PDXDC1: variants seen among roughly 807,000 people sequenced by gnomAD.
PDXDC1 encodes pyridoxal dependent decarboxylase domain containing 1.
PDXDC1 carries 42 observed loss-of-function variants against 100.1 expected under a neutral mutation model. The ratio of observed to expected loss-of-function variants is 0.42; its 90% CI spans 0.33 to 0.54. The LOEUF (loss-of-function observed/expected upper bound fraction) is 0.54. PDXDC1 is among the 20% of genes least tolerant of loss of function. The pLI is 0.10. For synonymous variants in PDXDC1, 260 were observed against 371.7 expected (o/e 0.70, Z 3.46); for missense variants, 636 against 979.2 (o/e 0.65, Z 4.68).
intron 16 of PDXDC1, chr16:15,130,340 C>T: frequency 2.6e-6 from 4 of 1,552,704 alleles, no homozygotes; most frequent in Non-Finnish European, 3.5e-6. Context: ...ACACCACGTC[C>T]TCCTCGCTGA....
At chr16:15,092,573 G>A in intron 16 of PDXDC1, 2 of 1,613,454 alleles carry the variant, frequency 1.2e-6, no homozygotes, top group Non-Finnish European at 1.7e-6. Context: ...TCTTGGGGGA[G>A]AATTGAAAAA....
At chr16:15,068,389 T>A (rs1227477693) in intron 16 of PDXDC1, 1 of 1,365,996 alleles carries the variant, frequency 7.3e-7, no homozygotes, top group African/African-American at 1.5e-5. Context: ...TAAAAAATTA[T>A]TTGCAGAAAT....
At chr16:14,978,510 C>T (rs1404125112) in intron 1 of PDXDC1, among the ~76,000 whole-genome samples, 1 of 152,288 alleles carries the variant, frequency 6.6e-6, no homozygotes. Flanking sequence ...GCGCCTCAGC[C>T]TCCTGAGTAG....
chr16:15,034,011 T>G, intron 19 of PDXDC1: 1 of 541,912 alleles, frequency 1.8e-6, no homozygotes, highest in South Asian at 2.4e-5. Flanking sequence ...CCTTTCTGGG[T>G]GGACTCCTTA....
intron 16 of PDXDC1, among the ~76,000 whole-genome samples, chr16:15,077,020 C>T (rs1177154677): frequency 6.8e-6 from 1 of 147,552 alleles, no homozygotes; most frequent in African/African-American, 2.5e-5. Flanking sequence ...GCTCTTGTTG[C>T]CCAGGCTGGA....
chr16:15,128,388 A>T (rs762035414), intron 16 of PDXDC1: 142 of 1,557,256 alleles, frequency 9.1e-5, no homozygotes, highest in Non-Finnish European at 1.2e-4. Flanking sequence ...GGGCCGTGGT[A>T]CCTGGAGGGC....
chr16:15,024,354 T>A (rs7194585), intron 13 of PDXDC1, among the ~76,000 whole-genome samples: 2,009 of 150,762 alleles, frequency 0.013, 71 homozygotes, highest in African/African-American at 0.047. Flanking sequence ...CTCCTTTGTA[T>A]GTGCTGTTCT....
At chr16:15,141,508 G>A (rs2048475107), downstream of PDXDC1, among the ~76,000 whole-genome samples, 1 of 152,188 alleles carries the variant, frequency 6.6e-6, no homozygotes, top group Non-Finnish European at 1.5e-5. Flanking sequence ...TTCCCCCAGG[G>A]GCTGTGGGAC....
chr16:15,088,116 CAAAA>C lies in PDXDC1; in HGVS notation c.1400-50761_1400-50758del, dbSNP rs549883666. Reference sequence around the variant, plus strand: ...GGGCAACAAGAGCAAAACTCCGTCTCAAAAAGAAAAAAAAAAAGTAAATCAGTTG... The same window carrying C: ...GGGCAACAAGAGCAAAACTCCGTCTCAGAAAAAAAAAAAGTAAATCAGTTG... On this transcript the variant is annotated intron_variant, in intron 16 of 16. Transcript: ENST00000535621. Among the ~76,000 whole-genome samples the C allele has an allele frequency of 2.9e-3, 434 of 149,012 alleles. 4 individuals are homozygous for C. The highest frequency in any genetic ancestry group is 0.01 in the African/African-American group (406 of 40,320).
chr16:15,136,317 C>A (rs899855053), intron 16 of PDXDC1, among the ~76,000 whole-genome samples: 2 of 152,180 alleles, frequency 1.3e-5, no homozygotes, highest in Non-Finnish European at 2.9e-5. Context: ...CCTGTGGGCA[C>A]CGGCAGGGAT....
chr16:15,039,179 A>G (rs1226769291), downstream of PDXDC1, among the ~76,000 whole-genome samples: 1 of 152,236 alleles, frequency 6.6e-6, no homozygotes, highest in African/African-American at 2.4e-5. Flanking sequence ...AAATTTGCCA[A>G]TGGCAGCCTC....
At chr16:15,031,631 G>GA in intron 16 of PDXDC1, 104 bp from the exon 17 acceptor site, 1 of 911,882 alleles carries the variant, frequency 1.1e-6, no homozygotes, top group South Asian at 1.6e-5. Context: ...CCGGTAACTG[G>GA]AGTACCTCGA....
At chr16:15,142,690 C>T (rs558866366), downstream of PDXDC1, among the ~76,000 whole-genome samples, 4 of 152,280 alleles carry the variant, frequency 2.6e-5, no homozygotes, top group East Asian at 5.8e-4. Context: ...CTTTTGCCAT[C>T]GCCGTTCTGG....
intron 16 of PDXDC1, among the ~76,000 whole-genome samples, chr16:15,063,493 G>C (rs1386969788): frequency 6.6e-6 from 1 of 152,010 alleles, no homozygotes; most frequent in Non-Finnish European, 1.5e-5. Context: ...CAGATCATGA[G>C]GTCAGGAGAT....
chr16:15,035,639 C>T (rs2043379585), intron 22 of PDXDC1, 86 bp downstream of exon 22: 1 of 717,008 alleles, frequency 1.4e-6, no homozygotes, highest in Non-Finnish European at 2.3e-6. Context: ...TCTTGAACTC[C>T]AGAGGTCTAT....
intron 1 of PDXDC1, among the ~76,000 whole-genome samples, chr16:14,990,890 G>A (rs1970622781): frequency 6.6e-6 from 1 of 152,258 alleles, no homozygotes; most frequent in South Asian, 2.1e-4. Flanking sequence ...ACAGGCATAC[G>A]TGACCATGCC....
intron 14 of PDXDC1, 34 bp from the exon 15 acceptor site, chr16:15,028,844 T>G: frequency 6.2e-7 from 1 of 1,604,894 alleles, no homozygotes; most frequent in Non-Finnish European, 8.5e-7. Context: ...GCCGTGTTTC[T>G]GGGAGTGACT....
intron 16 of PDXDC1, chr16:15,135,883 G>C (rs570158264): frequency 6.4e-6 from 10 of 1,571,520 alleles, no homozygotes; most frequent in East Asian, 4.5e-5. Context: ...CAAAGCAGTA[G>C]TGCCCCACAG....
In PDXDC1 at chr16:15,137,654, C is replaced by G; in HGVS notation, c.1400-1225C>G. 4.6e-6 allele frequency: 6 copies of G among 1,304,138 alleles called. 1 individual carries two copies. The highest frequency in any genetic ancestry group is 6.4e-6 in the Non-Finnish European group (6 of 937,632). The allele number at this position is 1,304,138 out of a possible 1,614,324, so 80.8% of individuals were successfully genotyped here. ...CATGCTGTTCCCTTGGCCCGGAGCCCCCCCCCAGAGAGGCCTTCCTGAGCC... is the reference window on the plus strand; with the variant it reads ...CATGCTGTTCCCTTGGCCCGGAGCCGCCCCCCAGAGAGGCCTTCCTGAGCC... On this transcript the variant is annotated intron_variant, in intron 16 of 16. Coordinates refer to the PDXDC1 transcript ENST00000535621.
Sources: gnomAD v4.1 joint callset for allele counts (sites outside exome capture counted in the v4.1 genomes callset) on GRCh38, gnomAD v4.1.1 for gene constraint, MANE v1.5 for transcripts, NCBI Gene and HGNC (gene_info 2026-07-23, HGNC 2026-07-21) for gene names.